The following DDX60L variants were observed in gnomAD, a reference collection of about 807,000 sequenced individuals.
DDX60L encodes the protein probable ATP-dependent RNA helicase DDX60-like.
Under a neutral mutation model 211.6 loss-of-function variants are expected in DDX60L, and 191 were observed. The ratio of observed to expected loss-of-function variants is 0.90; its 90% CI spans 0.80 to 1.02. The LOEUF (loss-of-function observed/expected upper bound fraction) is 1.02, where lower values mean the gene tolerates loss of function less well. DDX60L is among the 50% of genes least tolerant of loss of function. DDX60L has a pLI of 0.00. For synonymous variants in DDX60L, 706 were observed against 694.1 expected (o/e 1.02, Z -0.27); for missense variants, 2,007 against 1,984.1 (o/e 1.01, Z -0.22).
intron 7 of DDX60L, among the ~76,000 whole-genome samples, chr4:168,455,161 T>C (rs1756360624): frequency 6.6e-6 from 1 of 152,026 alleles, no homozygotes; most frequent in South Asian, 2.1e-4. Context: ...TACAGTCACA[T>C]TATTTCTTTC....
At position 168,419,366 on chromosome 4, in the gene DDX60L, A is replaced by G. The variant is rs1750099856; in HGVS notation, c.2546T>C (p.Ile849Thr). 1.3e-6 allele frequency: 2 copies of G among 1,595,524 alleles called. No individual in the cohort carries two copies. Among genetic ancestry groups the G allele is most frequent in the Non-Finnish European group, 1.7e-6 (2 of 1,169,804 alleles). ...VLITVPECFE[I>T]LLLAPHRQKW... ...TTGGCGATGAGGAGCAAGCAACAGGATTTCAAAACATTCCGGCACTGTAAT... is the reference window on the plus strand; with the variant it reads ...TTGGCGATGAGGAGCAAGCAACAGGGTTTCAAAACATTCCGGCACTGTAAT... Residue 849 changes from isoleucine (I) to threonine (T), a missense_variant, in exon 19 of 38, where the codon ATC becomes ACC. Ile to Thr is a moderately conservative substitution (Grantham distance 89, BLOSUM62 -1). Coordinates refer to ENST00000682922, the MANE Select transcript of DDX60L (RefSeq NM_001012967.3).
At chr4:168,412,000 C>T (rs1748757773) in intron 22 of DDX60L, among the ~76,000 whole-genome samples, 1 of 151,924 alleles carries the variant, frequency 6.6e-6, no homozygotes, top group African/African-American at 2.4e-5. Flanking sequence ...AACCTGCTGC[C>T]TTGAAAAGAT....
In DDX60L at chr4:168,358,054, A is replaced by T; in HGVS notation, c.*93T>A. On this transcript the variant is annotated 3_prime_UTR_variant, in exon 38 of 38. Coordinates refer to ENST00000682922, the MANE Select transcript of DDX60L (RefSeq NM_001012967.3). ...TTAATTCTGTTTGACTCCAAGACAA[A>T]CATTTTTTCCATTTCATTGTGTAAG... 8.4e-7 allele frequency: 1 copy of T among 1,193,298 alleles called. No homozygotes were observed. The highest frequency in any genetic ancestry group is 1.4e-5 in the South Asian group (1 of 73,634). The allele number at this position is 1,193,298 out of a possible 1,614,324, so 73.9% of individuals were successfully genotyped here.
chr4:168,472,735 G>C lies in DDX60L; in HGVS notation c.-36C>G. Reference sequence around the variant, plus strand: ...TCTTGGGCTACAGGGTAGAAGAGTAGAGCTGGAATTTATTAAATATGGCTG... The same window carrying C: ...TCTTGGGCTACAGGGTAGAAGAGTACAGCTGGAATTTATTAAATATGGCTG... On this transcript the variant is annotated 5_prime_UTR_variant, in exon 2 of 38. Coordinates refer to ENST00000682922, the MANE Select transcript of DDX60L (RefSeq NM_001012967.3). 6.2e-7 allele frequency: 1 copy of C among 1,608,194 alleles called. No individual in the cohort carries two copies. Among genetic ancestry groups the C allele is most frequent in the Non-Finnish European group, 8.5e-7 (1 of 1,178,034 alleles).
intron 36 of DDX60L, among the ~76,000 whole-genome samples, chr4:168,367,811 G>A (rs915072536): frequency 6.6e-6 from 1 of 152,186 alleles, no homozygotes; most frequent in African/African-American, 2.4e-5. Context: ...GGTAGCTCTT[G>A]TATGTTTTAG....
At chr4:168,363,337 G>T (rs1739416299) in intron 36 of DDX60L, among the ~76,000 whole-genome samples, 1 of 152,072 alleles carries the variant, frequency 6.6e-6, no homozygotes, top group African/African-American at 2.4e-5. Context: ...ATGAAAGAAT[G>T]ATCATTACTA....
intron 32 of DDX60L, among the ~76,000 whole-genome samples, chr4:168,379,094 G>C (rs13130573): frequency 0.83 from 126,931 of 152,158 alleles, 55,571 homozygotes; most frequent in East Asian, 1. Context: ...GAAACTTATT[G>C]TCTTTCTATG....
intron 22 of DDX60L, among the ~76,000 whole-genome samples, chr4:168,409,746 A>C (rs889573688): frequency 2.6e-5 from 4 of 152,216 alleles, no homozygotes; most frequent in African/African-American, 9.7e-5. Flanking sequence ...CGTGCATTCG[A>C]TCCACAAATT....
rs1210260699 is a variant in DDX60L at position 168,357,987 on chromosome 4, TAA to T, written c.*158_*159del. ...TAAAGCTCAGATATATTACATAACT[TAA>T]AGTCATTCAGTTAGAAAATAGCAGA... On this transcript the variant is annotated 3_prime_UTR_variant, in exon 38 of 38. Transcript: ENST00000682922. 1.6e-6 allele frequency: 1 copy of T among 634,290 alleles called. No homozygotes were observed. Among genetic ancestry groups the T allele is most frequent in the Admixed American group, 3.4e-5 (1 of 29,630 alleles). 39.3% of individuals were successfully genotyped at this position (634,290 alleles called of 1,614,324 possible).
chr4:168,408,506 C>T (rs1222838575), intron 22 of DDX60L, among the ~76,000 whole-genome samples: 2 of 151,764 alleles, frequency 1.3e-5, no homozygotes, highest in African/African-American at 4.8e-5. Flanking sequence ...CTAGATAATA[C>T]ATAAAATTAT....
intron 29 of DDX60L, among the ~76,000 whole-genome samples, chr4:168,389,414 C>T (rs1744425090): frequency 6.6e-6 from 1 of 151,982 alleles, no homozygotes; most frequent in South Asian, 2.1e-4. Context: ...CTTTCAAGAG[C>T]TAATATAAAA....
chr4:168,428,063 G>T (rs1378899922), intron 13 of DDX60L, among the ~76,000 whole-genome samples: 1 of 152,208 alleles, frequency 6.6e-6, no homozygotes, highest in Non-Finnish European at 1.5e-5. Context: ...AAAGCAAAGG[G>T]CTCAGCTGGG....
intron 29 of DDX60L, chr4:168,390,154 G>T (rs1280493825): frequency 2.0e-6 from 2 of 990,310 alleles, no homozygotes; most frequent in African/African-American, 1.7e-5. Flanking sequence ...AGTCATCAGG[G>T]CAGGATAACA....
intron 26 of DDX60L, among the ~76,000 whole-genome samples, chr4:168,397,109 A>G (rs963150659): frequency 6.6e-6 from 1 of 152,200 alleles, no homozygotes; most frequent in Admixed American, 6.5e-5. Context: ...ACAGCTCTCT[A>G]TGAACCAGGA....
chr4:168,371,051 AT>A (rs1740917957), intron 36 of DDX60L, among the ~76,000 whole-genome samples: 1 of 138,702 alleles, frequency 7.2e-6, no homozygotes, highest in East Asian at 2.1e-4. Context: ...TGGGAAAAAA[AT>A]AAATATTAAT....
Position 168,471,753 on chromosome 4 carries a change from G to T in DDX60L, c.258C>A (p.Phe86Leu). ...LSNGGQFTIV[F>L]FKDAEYAYFD... Reference sequence around the variant, plus strand: ...ATCAATCATCATATATTACCTTAAAGAAAACTATGGTGAATTGTCCTCCGT... The same window carrying T: ...ATCAATCATCATATATTACCTTAAATAAAACTATGGTGAATTGTCCTCCGT... The change falls in exon 4 of 38, where the codon TTC (phenylalanine) becomes TTA (leucine). Residue 86 changes from phenylalanine to leucine, a missense_variant. Phe to Leu is a conservative substitution (Grantham distance 22). Coordinates refer to ENST00000682922, the MANE Select transcript of DDX60L (RefSeq NM_001012967.3). 2 of 1,590,802 alleles carry T rather than the reference G, an allele frequency of 1.3e-6. No individual in the cohort carries two copies. Among genetic ancestry groups the T allele is most frequent in the Non-Finnish European group, 8.5e-7 (1 of 1,174,276 alleles).
At chr4:168,389,452 GC>G (rs1370655150) in intron 29 of DDX60L, among the ~76,000 whole-genome samples, 1 of 152,152 alleles carries the variant, frequency 6.6e-6, no homozygotes, top group Admixed American at 6.5e-5. Flanking sequence ...TGTATTACCT[GC>G]TGTGCTAGGA....
intron 26 of DDX60L, 24 bp downstream of exon 26, chr4:168,400,802 G>A (rs776948417): frequency 5.1e-6 from 8 of 1,578,990 alleles, no homozygotes; most frequent in Non-Finnish European, 6.9e-6. Flanking sequence ...GGGCCAATTT[G>A]TTTAAGTAAA....
chr4:168,459,256 C>G (rs1756982606), intron 5 of DDX60L, among the ~76,000 whole-genome samples: 1 of 151,970 alleles, frequency 6.6e-6, no homozygotes, highest in Non-Finnish European at 1.5e-5. Context: ...GAGGCTGAGG[C>G]AGGAATATCA....
Sources: allele counts gnomAD v4.1 joint callset (sites outside exome capture counted in the v4.1 genomes callset), GRCh38; gene constraint gnomAD v4.1.1; transcripts MANE v1.5; gene names NCBI Gene and HGNC (gene_info 2026-07-23, HGNC 2026-07-21).